The following UTRN variants were observed in gnomAD, a reference collection of about 807,000 sequenced individuals.
UTRN encodes the protein dystrophin-related protein 1.
Under a neutral mutation model 463.9 loss-of-function variants are expected in UTRN, and 283 were observed. The ratio of observed to expected loss-of-function variants is 0.61; its 90% CI spans 0.55 to 0.67. The LOEUF (loss-of-function observed/expected upper bound fraction) is 0.67. Ranked by LOEUF, UTRN falls within the 30% of genes least tolerant of loss-of-function variation. The pLI is 0.00. For missense variants in UTRN, 3,922 were observed against 4,084.3 expected, an observed-to-expected ratio of 0.96 and a Z score of 1.08; for synonymous variants, 1,442 against 1,431.5, an observed-to-expected ratio of 1.01 and a Z score of -0.17.
chr6:144,381,314 C>T (rs923350282), intron 2 of UTRN, among the ~76,000 whole-genome samples: 26 of 152,164 alleles, frequency 1.7e-4, no homozygotes, highest in African/African-American at 5.3e-4. Flanking sequence ...AGGATAATGG[C>T]CTCCAGCTCC....
At chr6:144,759,093 T>C (rs1562872080) in intron 58 of UTRN, among the ~76,000 whole-genome samples, 1 of 152,102 alleles carries the variant, frequency 6.6e-6, no homozygotes, top group Non-Finnish European at 1.5e-5. Context: ...AAAAAACAGG[T>C]TTGCATAATA....
At chr6:144,408,198 T>C (rs1783585076) in intron 3 of UTRN, among the ~76,000 whole-genome samples, 1 of 152,238 alleles carries the variant, frequency 6.6e-6, no homozygotes, top group African/African-American at 2.4e-5. Context: ...GTGCCACACG[T>C]AAACAGAAAA....
At chr6:144,615,557 A>G (rs1377755090) in intron 51 of UTRN, among the ~76,000 whole-genome samples, 1 of 151,890 alleles carries the variant, frequency 6.6e-6, no homozygotes, top group Non-Finnish European at 1.5e-5. Context: ...AAACCAGAAC[A>G]CTCTAAGTCA....
chr6:144,644,227 A>T (rs1183139893), intron 51 of UTRN, among the ~76,000 whole-genome samples: 4 of 152,206 alleles, frequency 2.6e-5, no homozygotes, highest in Admixed American at 1.3e-4. Flanking sequence ...ATTTTAAATT[A>T]ACTCTAAAAT....
intron 2 of UTRN, among the ~76,000 whole-genome samples, chr6:144,321,408 C>G (rs1428487611): frequency 6.6e-6 from 1 of 150,566 alleles, no homozygotes; most frequent in Non-Finnish European, 1.5e-5. Flanking sequence ...GCTTGCCCAA[C>G]ACGGGTAATG....
intron 51 of UTRN, among the ~76,000 whole-genome samples, chr6:144,579,467 G>A (rs1447985902): frequency 6.6e-6 from 1 of 152,152 alleles, no homozygotes; most frequent in African/African-American, 2.4e-5. Flanking sequence ...GGCTTTAAAT[G>A]AACCCTGGTA....
intron 2 of UTRN, among the ~76,000 whole-genome samples, chr6:144,397,158 C>G (rs373580116): frequency 7.9e-5 from 12 of 152,146 alleles, no homozygotes; most frequent in African/African-American, 2.9e-4. Context: ...GGAGGAGAAC[C>G]GCTTCAACCT....
At chr6:144,526,357 GGGAGCTCCAATGTTA>G (rs1174232656) in intron 41 of UTRN, among the ~76,000 whole-genome samples, 1 of 152,078 alleles carries the variant, frequency 6.6e-6, no homozygotes, top group Non-Finnish European at 1.5e-5. Context: ...TTACAAACTT[GGGAGCTCCAATGTTA>G]GGTGCATATA....
intron 2 of UTRN, among the ~76,000 whole-genome samples, chr6:144,359,994 T>C (rs929064938): frequency 6.6e-6 from 1 of 152,032 alleles, no homozygotes; most frequent in Non-Finnish European, 1.5e-5. Flanking sequence ...TGATTGCCTC[T>C]GGTTTCAGTA....
intron 54 of UTRN, among the ~76,000 whole-genome samples, chr6:144,735,612 T>C (rs2128717065): frequency 6.6e-6 from 1 of 152,296 alleles, no homozygotes; most frequent in East Asian, 1.9e-4. Context: ...AGAAGTTCAC[T>C]TGTCTCATCT....
intron 45 of UTRN, among the ~76,000 whole-genome samples, chr6:144,541,437 C>G (rs1267922552): frequency 6.6e-6 from 1 of 152,198 alleles, no homozygotes; most frequent in Non-Finnish European, 1.5e-5. Context: ...TCAGACAAAG[C>G]TAGAGCTTTG....
chr6:144,396,043 A>G (rs1379387999), intron 2 of UTRN, among the ~76,000 whole-genome samples: 1 of 152,222 alleles, frequency 6.6e-6, no homozygotes, highest in Admixed American at 6.5e-5. Flanking sequence ...CTACACCCAA[A>G]GGAACTGAAA....
intron 43 of UTRN, among the ~76,000 whole-genome samples, chr6:144,536,924 G>C (rs1797589464): frequency 6.6e-6 from 1 of 151,732 alleles, no homozygotes; most frequent in South Asian, 2.1e-4. Flanking sequence ...ATATTCATTT[G>C]ACTGTTTTCC....
intron 60 of UTRN, among the ~76,000 whole-genome samples, chr6:144,780,172 T>C (rs1310131577): frequency 6.6e-6 from 1 of 152,212 alleles, no homozygotes; most frequent in Non-Finnish European, 1.5e-5. Flanking sequence ...TTTGTTCATT[T>C]TAGTTAACTG....
In UTRN at chr6:144,793,279, T is replaced by A. The variant is rs561692228; in HGVS notation, c.8921-555T>A. 3.4e-5 allele frequency among the ~76,000 whole-genome samples: 5 copies of A among 148,314 alleles called. No homozygotes were observed. In the East Asian group the frequency reaches 9.7e-4, roughly 29 times the overall value. On this transcript the variant is annotated intron_variant, in intron 62 of 74. Transcript: ENST00000367545. ...TAAGGTACGTTTATTCCTTTGTGTT[T>A]TTTTATTTTTTTTTGAGTTGGGGTC...
intron 23 of UTRN, among the ~76,000 whole-genome samples, chr6:144,468,857 C>A (rs188874318): frequency 1.3e-5 from 2 of 152,068 alleles, no homozygotes. Context: ...TTGATTGTGA[C>A]AATATTTTGC....
chr6:144,794,729 T>G, intron 63 of UTRN, among the ~76,000 whole-genome samples: 1 of 152,188 alleles, frequency 6.6e-6, no homozygotes, highest in East Asian at 1.9e-4. Flanking sequence ...GAAATTTATT[T>G]TCTACAGTTC....
intron 51 of UTRN, among the ~76,000 whole-genome samples, chr6:144,617,698 G>A (rs567484871): frequency 6.6e-6 from 1 of 152,214 alleles, no homozygotes; most frequent in South Asian, 2.1e-4. Flanking sequence ...TTCTCTTTAG[G>A]AAGGTGTTCT....
intron 50 of UTRN, among the ~76,000 whole-genome samples, chr6:144,572,836 T>C (rs1801079589): frequency 6.6e-6 from 1 of 152,220 alleles, no homozygotes; most frequent in African/African-American, 2.4e-5. Flanking sequence ...TTTGCTATTG[T>C]AAATAGTGCT....
Sources: gnomAD v4.1 joint callset for allele counts (sites outside exome capture counted in the v4.1 genomes callset) on GRCh38, gnomAD v4.1.1 for gene constraint, MANE v1.5 for transcripts, NCBI Gene and HGNC (gene_info 2026-07-23, HGNC 2026-07-21) for gene names.